The following SH3KBP1 variants were observed in gnomAD, a reference collection of about 807,000 sequenced individuals.
SH3KBP1 encodes the protein SH3 domain containing kinase binding protein 1, also known as SH3 domain-containing kinase-binding protein 1.
In SH3KBP1, 8 loss-of-function variants were observed where a neutral mutation model predicts 50.1. That is an observed-to-expected ratio of 0.16 (90% CI 0.09 to 0.29). The LOEUF (loss-of-function observed/expected upper bound fraction) is 0.29. Among genes scored for constraint, SH3KBP1 ranks in the 10% least tolerant of loss-of-function variants. The pLI, the probability that SH3KBP1 is intolerant of heterozygous loss-of-function variation, is 1.00. For missense variants in SH3KBP1, 377 were observed against 535.2 expected, an observed-to-expected ratio of 0.70 and a Z score of 2.92; for synonymous variants, 227 against 218.6, an observed-to-expected ratio of 1.04 and a Z score of -0.34.
rs150730781 is a variant in SH3KBP1, at chrX:19,567,911, T to A, written c.1384+1192A>T. ...AAAGCTAAAAAAAATTTATACTATT[T>A]GGCCATAAAAACGAGATCCTATCAT... is the stretch of plus-strand genomic sequence containing the variant. On this transcript the variant is annotated intron_variant, in intron 13 of 17. Transcript: ENST00000397821. 3.1e-3 allele frequency among the ~76,000 whole-genome samples: 344 copies of A among 111,337 alleles called. 1 individual carries two copies. Among genetic ancestry groups the A allele is most frequent in the African/African-American group, 0.01 (310 of 30,647 alleles).
intron 2 of SH3KBP1, among the ~76,000 whole-genome samples, chrX:19,822,865 C>A (rs1603265075): frequency 8.9e-6 from 1 of 112,136 alleles, no homozygotes; most frequent in Non-Finnish European, 1.9e-5. Context: ...GATTTCAGAG[C>A]CCTTGCAGTA....
chrX:19,697,994 C>T (rs1170900677), intron 4 of SH3KBP1, among the ~76,000 whole-genome samples: 1 of 112,170 alleles, frequency 8.9e-6, no homozygotes, highest in Non-Finnish European at 1.9e-5. Context: ...CGTGGCATTT[C>T]GCAGCATTTC....
intron 3 of SH3KBP1, among the ~76,000 whole-genome samples, chrX:19,718,850 G>A (rs760052486): frequency 3.6e-5 from 4 of 110,688 alleles, no homozygotes; most frequent in Non-Finnish European, 7.6e-5. Flanking sequence ...CTGATCAGAT[G>A]CTGTTACAGA....
At chrX:19,597,601 T>G (rs191912433) in intron 9 of SH3KBP1, among the ~76,000 whole-genome samples, 2 of 111,587 alleles carry the variant, frequency 1.8e-5, no homozygotes, top group East Asian at 5.6e-4. Context: ...TTATTATTTG[T>G]AGAGATGGAG....
At chrX:19,555,274 C>A (rs962664461) in intron 13 of SH3KBP1, among the ~76,000 whole-genome samples, 14 of 112,181 alleles carry the variant, frequency 1.2e-4, no homozygotes, top group Non-Finnish European at 7.5e-5. Context: ...GGGGATAATT[C>A]ATGTTGGGCA....
chrX:19,661,783 C>T lies in SH3KBP1; in HGVS notation c.727-16308G>A, dbSNP rs188623675. ...CTGGGATTACAGGCATGCGCCACCACGCCCAGCTAATTTTTGTATTTTTAG... is the reference window on the plus strand; with the variant it reads ...CTGGGATTACAGGCATGCGCCACCATGCCCAGCTAATTTTTGTATTTTTAG... On this transcript the variant is annotated intron_variant, in intron 6 of 17. Coordinates refer to ENST00000397821, the MANE Select transcript of SH3KBP1 (RefSeq NM_031892.3). 4.3e-3 allele frequency among the ~76,000 whole-genome samples: 470 copies of T among 109,761 alleles called. 5 individuals are homozygous for T. Among genetic ancestry groups the T allele is most frequent in the African/African-American group, 0.015 (451 of 30,187 alleles).
intron 1 of SH3KBP1, among the ~76,000 whole-genome samples, chrX:19,849,416 C>T (rs895837937): frequency 3.6e-5 from 4 of 110,739 alleles, no homozygotes; most frequent in Non-Finnish European, 5.7e-5. Flanking sequence ...AGGCCAGGTG[C>T]GGTAGCTCAC....
chrX:19,796,101 T>C (rs1240777247), intron 2 of SH3KBP1, among the ~76,000 whole-genome samples: 2 of 112,052 alleles, frequency 1.8e-5, no homozygotes, highest in Admixed American at 1.9e-4. Flanking sequence ...AGGCAGCTAC[T>C]GTTTCAGGAA....
At chrX:19,677,668 A>G (rs1478394133) in intron 6 of SH3KBP1, among the ~76,000 whole-genome samples, 1 of 112,598 alleles carries the variant, frequency 8.9e-6, no homozygotes, top group Non-Finnish European at 1.9e-5. Context: ...CAGTTGCCGA[A>G]GGCACAATCT....
chrX:19,721,436 T>A (rs1300426634), intron 3 of SH3KBP1, among the ~76,000 whole-genome samples: 1 of 111,999 alleles, frequency 8.9e-6, no homozygotes, highest in African/African-American at 3.3e-5. Flanking sequence ...TCTTGAACTA[T>A]CATTTACACT....
intron 1 of SH3KBP1, among the ~76,000 whole-genome samples, chrX:19,873,945 A>C (rs2069147412): frequency 1.0e-5 from 1 of 100,254 alleles, no homozygotes; most frequent in Non-Finnish European, 2.0e-5. Flanking sequence ...GCTACTCGGG[A>C]GGCTGAGGCG....
At chrX:19,605,890 T>G (rs1277367063) in intron 9 of SH3KBP1, among the ~76,000 whole-genome samples, 2 of 112,410 alleles carry the variant, frequency 1.8e-5, no homozygotes, top group Non-Finnish European at 3.8e-5. Context: ...CCAATACATT[T>G]TCTAAGTTGC....
At chrX:19,574,219 C>T (rs1274562408) in intron 12 of SH3KBP1, among the ~76,000 whole-genome samples, 2 of 111,658 alleles carry the variant, frequency 1.8e-5, no homozygotes, top group East Asian at 2.8e-4. Context: ...ACCCCTGTAT[C>T]GCAACCCTTA....
intron 3 of SH3KBP1, among the ~76,000 whole-genome samples, chrX:19,731,965 AT>A (rs2064392209): frequency 8.9e-6 from 1 of 112,309 alleles, no homozygotes; most frequent in Non-Finnish European, 1.9e-5. Flanking sequence ...TTAAGATCAG[AT>A]GACTAAGGTT....
intron 6 of SH3KBP1, among the ~76,000 whole-genome samples, chrX:19,667,788 AAGTCTT>A (rs1178673942): frequency 1.4e-4 from 15 of 108,768 alleles, no homozygotes; most frequent in African/African-American, 5.1e-4. Context: ...AGGATTCAGA[AAGTCTT>A]ACTTTTGTTC....
rs146897540 is a variant in SH3KBP1 at position 19,762,257 on chromosome X, C to A, written c.163-15816G>T. Among the ~76,000 whole-genome samples, 971 of 111,990 alleles carry A rather than the reference C, an allele frequency of 8.7e-3. 8 individuals are homozygous for A. The highest frequency in any genetic ancestry group is 0.029 in the African/African-American group (900 of 30,765). On this transcript the variant is annotated intron_variant, in intron 2 of 17. Coordinates refer to ENST00000397821, the MANE Select transcript of SH3KBP1 (RefSeq NM_031892.3). ...CTTTCCAGAAAAGACCCTCTTCTTGCCTGGGGACCAGTATGCCTTTGGAGG... is the reference window on the plus strand; with the variant it reads ...CTTTCCAGAAAAGACCCTCTTCTTGACTGGGGACCAGTATGCCTTTGGAGG...
At position 19,536,149 on chromosome X, in the gene SH3KBP1, G is replaced by A. The variant is rs910498323; in HGVS notation, c.*268C>T. 2 of 234,099 alleles carry A rather than the reference G, an allele frequency of 8.5e-6. No individual in the cohort carries two copies. Among genetic ancestry groups the A allele is most frequent in the African/African-American group, 2.9e-5 (1 of 35,025 alleles). The allele number at this position is 234,099 out of a possible 1,213,427, so 19.3% of individuals were successfully genotyped here. ...ACTAAACTGCCTGAGTTTTCATTTC[G>A]CATTGAGATCTCAGAGTAGAAAAGC... On this transcript the variant is annotated 3_prime_UTR_variant, in exon 18 of 18. Transcript: ENST00000397821.
chrX:19,745,807 G>C (rs990464713), intron 3 of SH3KBP1, among the ~76,000 whole-genome samples: 24 of 112,619 alleles, frequency 2.1e-4, no homozygotes, highest in South Asian at 3.6e-4. Context: ...GGTCTCAAAA[G>C]AGAGAAAACA....
intron 1 of SH3KBP1, among the ~76,000 whole-genome samples, chrX:19,854,051 A>C (rs1466685283): frequency 1.8e-5 from 2 of 111,504 alleles, no homozygotes; most frequent in African/African-American, 3.3e-5. Context: ...TGTCCATACA[A>C]GTCTCCTGGT....
Sources: gnomAD v4.1 joint callset for allele counts (sites outside exome capture counted in the v4.1 genomes callset) on GRCh38, gnomAD v4.1.1 for gene constraint, MANE v1.5 for transcripts, NCBI Gene and HGNC (gene_info 2026-07-23, HGNC 2026-07-21) for gene names.